ZFAND3: variants seen among roughly 807,000 people sequenced by gnomAD.
ZFAND3 encodes the protein zinc finger AN1-type containing 3.
Under a neutral mutation model 29.6 loss-of-function variants are expected in ZFAND3, and 10 were observed. That is an observed-to-expected ratio of 0.34 (90% CI 0.21 to 0.57). The LOEUF (loss-of-function observed/expected upper bound fraction) is 0.57, where lower values mean the gene tolerates loss of function less well. Among genes scored for constraint, ZFAND3 ranks in the 20% least tolerant of loss-of-function variants. The pLI is 0.86. For synonymous variants in ZFAND3, 128 were observed against 112.6 expected (o/e 1.14, Z -0.87); for missense variants, 230 against 304.5 (o/e 0.76, Z 1.82).
Position 38,138,633 on chromosome 6 carries a change from C to G in ZFAND3, c.530-13602C>G, listed in dbSNP as rs1765889170. On this transcript the variant is annotated intron_variant, in intron 5 of 5. Coordinates refer to ENST00000287218, the MANE Select transcript of ZFAND3 (RefSeq NM_021943.3). Reference sequence around the variant, plus strand: ...CATTTGCATGAGAAGAGGTGCAGAGCCGATTCAGGACATCATTTAGATCTA... The same window carrying G: ...CATTTGCATGAGAAGAGGTGCAGAGGCGATTCAGGACATCATTTAGATCTA... Among the ~76,000 whole-genome samples the G allele has an allele frequency of 1.3e-5, 2 of 152,092 alleles. 1 individual carries two copies. Among genetic ancestry groups the G allele is most frequent in the South Asian group, 4.2e-4 (2 of 4,816 alleles).
intron 1 of ZFAND3, 57 bp from the exon 2 acceptor site, chr6:37,929,902 T>G (rs1485820379): frequency 6.6e-7 from 1 of 1,510,796 alleles, no homozygotes; most frequent in African/African-American, 1.4e-5. Context: ...ATGTTTTGAT[T>G]AGAGTGATAT....
intron 4 of ZFAND3, among the ~76,000 whole-genome samples, chr6:38,098,535 C>T (rs1232640301): frequency 6.6e-6 from 1 of 150,488 alleles, no homozygotes; most frequent in Non-Finnish European, 1.5e-5. Context: ...GAGTCTCGCT[C>T]TGTTGCCCAG....
intron 4 of ZFAND3, among the ~76,000 whole-genome samples, chr6:38,094,512 C>G (rs1764939489): frequency 6.6e-6 from 1 of 152,112 alleles, no homozygotes; most frequent in African/African-American, 2.4e-5. Flanking sequence ...AGTTTTAGTA[C>G]CTTTGTTCTG....
chr6:38,116,534 G>T (rs766575544), intron 4 of ZFAND3, 38 bp from the exon 5 acceptor site: 1 of 1,580,756 alleles, frequency 6.3e-7, no homozygotes, highest in Non-Finnish European at 8.6e-7. Context: ...GCCAGGCCAG[G>T]CACTAATCCT....
intron 1 of ZFAND3, among the ~76,000 whole-genome samples, chr6:37,827,493 T>C (rs1355576797): frequency 1.3e-5 from 2 of 152,246 alleles, no homozygotes; most frequent in Non-Finnish European, 2.9e-5. Flanking sequence ...GTAAATCTCA[T>C]GGCAGCTTTT....
intron 1 of ZFAND3, among the ~76,000 whole-genome samples, chr6:37,916,596 G>A (rs1761259000): frequency 1.3e-5 from 2 of 152,174 alleles, no homozygotes; most frequent in African/African-American, 4.8e-5. Context: ...GGAGGCAGAG[G>A]TTGCAGTGAG....
intron 1 of ZFAND3, among the ~76,000 whole-genome samples, chr6:37,896,554 C>CTTTCTTTCTTTCTTTCTTTCTTTCTTTG (rs1554153843): frequency 7.3e-5 from 10 of 137,698 alleles, no homozygotes; most frequent in African/African-American, 2.5e-4. Context: ...TTCTTTCTTT[C>CTTTCTTTCTTTCTTTCTTTCTTTCTTTG]TTTCTTTCTT....
chr6:38,150,436 G>T (rs1766198548), intron 5 of ZFAND3, among the ~76,000 whole-genome samples: 1 of 152,158 alleles, frequency 6.6e-6, no homozygotes, highest in African/African-American at 2.4e-5. Flanking sequence ...ACACAGCCTG[G>T]GCTCAAGACT....
intron 2 of ZFAND3, among the ~76,000 whole-genome samples, chr6:37,971,057 G>T (rs1370580018): frequency 6.6e-6 from 1 of 152,202 alleles, no homozygotes; most frequent in African/African-American, 2.4e-5. Flanking sequence ...TGATACAAGT[G>T]TATTTGTTCA....
intron 2 of ZFAND3, among the ~76,000 whole-genome samples, chr6:38,005,230 G>A (rs1391199041): frequency 6.6e-6 from 1 of 152,024 alleles, no homozygotes; most frequent in Non-Finnish European, 1.5e-5. Flanking sequence ...CTCTGTTATG[G>A]GCATATTCTA....
intron 4 of ZFAND3, among the ~76,000 whole-genome samples, chr6:38,095,038 G>A (rs1436629255): frequency 1.3e-5 from 2 of 152,138 alleles, no homozygotes; most frequent in African/African-American, 4.8e-5. Flanking sequence ...GTAACCAGAA[G>A]CAAATCCTCC....
intron 5 of ZFAND3, among the ~76,000 whole-genome samples, chr6:38,144,190 T>TATATATATATATATATATATAATATATA: frequency 2.4e-5 from 1 of 41,156 alleles, no homozygotes; most frequent in South Asian, 5.1e-4. Context: ...ATATAATATA[T>TATATATATATATATATATATAATATATA]ATATATATAT....
At chr6:37,861,323 A>G (rs567693217) in intron 1 of ZFAND3, among the ~76,000 whole-genome samples, 1 of 152,314 alleles carries the variant, frequency 6.6e-6, no homozygotes, top group Admixed American at 6.5e-5. Context: ...GAGAAAGGCT[A>G]TCATAGTGTT....
chr6:37,922,430 T>C (rs1761400318), intron 1 of ZFAND3, among the ~76,000 whole-genome samples: 1 of 152,236 alleles, frequency 6.6e-6, no homozygotes, highest in African/African-American at 2.4e-5. Context: ...AAATATTAAA[T>C]GTAAATGTAA....
chr6:38,064,824 T>C (rs1219213055), intron 3 of ZFAND3, among the ~76,000 whole-genome samples: 2 of 152,216 alleles, frequency 1.3e-5, no homozygotes, highest in Non-Finnish European at 2.9e-5. Context: ...CTAATCTCTT[T>C]CCTAATTCCT....
intron 4 of ZFAND3, among the ~76,000 whole-genome samples, chr6:38,095,539 C>G (rs1038605301): frequency 6.6e-6 from 1 of 152,134 alleles, no homozygotes; most frequent in Non-Finnish European, 1.5e-5. Context: ...TCTTTCCTCT[C>G]CAATCTGAAC....
At chr6:37,895,356 C>T (rs1049091439) in intron 1 of ZFAND3, among the ~76,000 whole-genome samples, 4 of 150,924 alleles carry the variant, frequency 2.7e-5, no homozygotes, top group African/African-American at 7.3e-5. Context: ...TTCTTTGAGA[C>T]GGAGTTTCGC....
At chr6:37,868,195 T>C (rs1219972707) in intron 1 of ZFAND3, among the ~76,000 whole-genome samples, 2 of 152,268 alleles carry the variant, frequency 1.3e-5, no homozygotes, top group Non-Finnish European at 2.9e-5. Context: ...AATGATGATA[T>C]GGTTTTTCTT....
chr6:38,154,383 G>C lies in ZFAND3; in HGVS notation c.*1994G>C, dbSNP rs982068935. 1.7e-6 allele frequency: 1 copy of C among 597,320 alleles called. No homozygotes were observed. Among genetic ancestry groups the C allele is most frequent in the Admixed American group, 6.4e-5 (1 of 15,548 alleles). 37.0% of individuals were successfully genotyped at this position (597,320 alleles called of 1,614,324 possible). ...TTCCTGACTTAGAGCTGGGGGGGGTGGGGGGTGGGGCTTGTTCCCCTGCAG... is the reference window on the plus strand; with the variant it reads ...TTCCTGACTTAGAGCTGGGGGGGGTCGGGGGTGGGGCTTGTTCCCCTGCAG... On this transcript the variant is annotated 3_prime_UTR_variant, in exon 6 of 6. Coordinates refer to ENST00000287218, the MANE Select transcript of ZFAND3 (RefSeq NM_021943.3).
Sources: allele counts gnomAD v4.1 joint callset (sites outside exome capture counted in the v4.1 genomes callset), GRCh38; gene constraint gnomAD v4.1.1; transcripts MANE v1.5; gene names NCBI Gene and HGNC (gene_info 2026-07-23, HGNC 2026-07-21).